Variants in TRHDE observed in about 807,000 individuals in gnomAD.
TRHDE encodes the protein thyrotropin releasing hormone degrading enzyme.
TRHDE carries 72 observed loss-of-function variants against 125.7 expected under a neutral mutation model. The ratio of observed to expected loss-of-function variants is 0.57; its 90% CI spans 0.47 to 0.70. The LOEUF is 0.70. Among genes scored for constraint, TRHDE ranks in the 30% least tolerant of loss-of-function variants. TRHDE has a pLI of 0.00. For missense variants in TRHDE, 1,110 were observed against 1,327.1 expected, an observed-to-expected ratio of 0.84 and a Z score of 2.54; for synonymous variants, 509 against 509.1, an observed-to-expected ratio of 1.00 and a Z score of 0.00.
intron 3 of TRHDE, among the ~76,000 whole-genome samples, chr12:72,423,229 C>T (rs1874033641): frequency 1.3e-5 from 2 of 152,140 alleles, no homozygotes. Flanking sequence ...CATTTAATAA[C>T]TAGGCTAAGC....
intron 15 of TRHDE, among the ~76,000 whole-genome samples, chr12:72,637,841 T>C (rs1873835674): frequency 6.6e-6 from 1 of 151,320 alleles, no homozygotes; most frequent in Admixed American, 6.6e-5. Context: ...TCCTGAGTTC[T>C]AGTTTGATTG....
chr12:72,154,149 A>G (rs891150534), intron 2 of TRHDE, among the ~76,000 whole-genome samples: 2 of 149,426 alleles, frequency 1.3e-5, no homozygotes, highest in African/African-American at 5.0e-5. Flanking sequence ...ACCATTATGT[A>G]ATGGCCTTCT....
chr12:72,128,312 A>C (rs1229308061), intron 2 of TRHDE, among the ~76,000 whole-genome samples: 1 of 152,190 alleles, frequency 6.6e-6, no homozygotes, highest in East Asian at 1.9e-4. Context: ...CAGATTTGCC[A>C]ACTGATTTGT....
rs1158574787 is a variant in TRHDE at position 72,560,621 on chromosome 12, A to T, written c.1789-1544A>T. Reference sequence around the variant, plus strand: ...AGACTAGCTCGAGCCCAGGAGCTCAAGGCCAGCATGGGCCACATAATGGAA... The same window carrying T: ...AGACTAGCTCGAGCCCAGGAGCTCATGGCCAGCATGGGCCACATAATGGAA... On this transcript the variant is annotated intron_variant, in intron 7 of 18. Coordinates refer to ENST00000261180, the MANE Select transcript of TRHDE (RefSeq NM_013381.3). The T allele has an allele frequency of 5.9e-5, 9 of 152,308 alleles. No homozygotes were observed. In the East Asian group the frequency reaches 1.7e-3, roughly 29 times the overall value. The allele number at this position is 152,308 out of a possible 1,614,324, so 9.4% of individuals were successfully genotyped here. A position where few individuals can be genotyped will look rare whatever the true frequency, so the allele number is the denominator to read the frequency against.
At chr12:72,643,136 G>A (rs1224524883) in intron 15 of TRHDE, among the ~76,000 whole-genome samples, 1 of 152,062 alleles carries the variant, frequency 6.6e-6, no homozygotes, top group African/African-American at 2.4e-5. Context: ...AAAACATGAG[G>A]AGTTGATGGG....
At chr12:72,350,038 T>C (rs1870510019) in intron 2 of TRHDE, among the ~76,000 whole-genome samples, 1 of 152,016 alleles carries the variant, frequency 6.6e-6, no homozygotes, top group South Asian at 2.1e-4. Context: ...TGTGCCATTT[T>C]CCATATTCCA....
intron 2 of TRHDE, among the ~76,000 whole-genome samples, chr12:72,369,714 A>T (rs1324849238): frequency 4.6e-5 from 7 of 152,048 alleles, no homozygotes; most frequent in African/African-American, 1.7e-4. Context: ...CCTGCATACC[A>T]TTTCCTAGTG....
At chr12:72,605,906 T>C (rs1872419547) in intron 12 of TRHDE, among the ~76,000 whole-genome samples, 1 of 130,502 alleles carries the variant, frequency 7.7e-6, no homozygotes, top group South Asian at 2.2e-4. Context: ...TTTATTATTG[T>C]TACTAAATGA....
At chr12:72,583,888 T>C (rs1203072969) in intron 12 of TRHDE, among the ~76,000 whole-genome samples, 1 of 151,698 alleles carries the variant, frequency 6.6e-6, no homozygotes, top group South Asian at 2.1e-4. Flanking sequence ...TCCTGAGGCA[T>C]TAAGGGCAGG....
chr12:72,641,713 C>A (rs536089740), intron 15 of TRHDE, among the ~76,000 whole-genome samples: 2 of 152,270 alleles, frequency 1.3e-5, no homozygotes, highest in South Asian at 4.1e-4. Context: ...ACATTCACAG[C>A]AAAATCTTTG....
rs1220966539 is a variant in TRHDE, at chr12:72,638,018, GT to G, written c.2676-14303del. 5.3e-5 allele frequency among the ~76,000 whole-genome samples: 8 copies of G among 151,272 alleles called. No individual in the cohort carries two copies. The East Asian group carries it at 7.8e-4, about 15-fold the overall frequency. ...GGAGAGTTCTGTAGATGTCTATTAG[GT>G]CCGCTTGGTGCAGAGCTGAGTTCAA... On this transcript the variant is annotated intron_variant, in intron 15 of 18. Transcript: ENST00000261180.
In TRHDE at chr12:72,461,513, A is replaced by G. The variant is rs546829707; in HGVS notation, c.1316-8245A>G. On this transcript the variant is annotated intron_variant, in intron 3 of 18. Transcript: ENST00000261180. ...TGTAGTTTATATTTTTACTAGCCCC[A>G]TATATTAATCTTCAGAGCAAGATGT... 3.9e-4 allele frequency among the ~76,000 whole-genome samples: 59 copies of G among 152,204 alleles called. 1 individual carries two copies. The East Asian group carries it at 0.011, about 28-fold the overall frequency.
intron 2 of TRHDE, among the ~76,000 whole-genome samples, chr12:72,352,863 A>G (rs1372744320): frequency 6.6e-6 from 1 of 151,606 alleles, no homozygotes; most frequent in Non-Finnish European, 1.5e-5. Flanking sequence ...TGGGCAGCCT[A>G]TTTTAAAGAT....
intron 2 of TRHDE, among the ~76,000 whole-genome samples, chr12:72,292,625 T>C (rs1377885650): frequency 2.0e-5 from 3 of 152,192 alleles, no homozygotes; most frequent in Non-Finnish European, 2.9e-5. Context: ...AAAGGTCCCC[T>C]TTCCTTCAGC....
intron 3 of TRHDE, among the ~76,000 whole-genome samples, chr12:72,418,341 AT>A (rs1565733916): frequency 6.6e-6 from 1 of 152,038 alleles, no homozygotes; most frequent in South Asian, 2.1e-4. Context: ...TAAAATGCCA[AT>A]TTTTTTAAGA....
rs189975647 is a variant in TRHDE at position 72,182,648 on chromosome 12, C to G, written n.279+76896C>G. Among the ~76,000 whole-genome samples the G allele has an allele frequency of 2.6e-5, 4 of 152,242 alleles. No individual in the cohort carries two copies. The East Asian group carries it at 7.7e-4, about 29-fold the overall frequency. Reference sequence around the variant, plus strand: ...CATTCTGTACAGCGATCATACCACCCTGGTGGAGAAAGAATACCCAAGGTG... The same window carrying G: ...CATTCTGTACAGCGATCATACCACCGTGGTGGAGAAAGAATACCCAAGGTG... On this transcript the variant is annotated intron_variant and non_coding_transcript_variant, in intron 2 of 4. Coordinates refer to the TRHDE transcript ENST00000548156.
At chr12:72,140,740 G>T (rs1327892776) in intron 2 of TRHDE, among the ~76,000 whole-genome samples, 1 of 152,152 alleles carries the variant, frequency 6.6e-6, no homozygotes, top group Non-Finnish European at 1.5e-5. Flanking sequence ...ACTTAGTCTG[G>T]GAGTTCTCTG....
intron 3 of TRHDE, among the ~76,000 whole-genome samples, chr12:72,421,965 C>T (rs554527380): frequency 3.5e-4 from 54 of 152,150 alleles, no homozygotes; most frequent in African/African-American, 1.3e-3. Context: ...GGTCCAGAGA[C>T]AATGGATATA....
intron 2 of TRHDE, among the ~76,000 whole-genome samples, chr12:72,293,378 A>C (rs1880163024): frequency 6.6e-6 from 1 of 152,124 alleles, no homozygotes; most frequent in Admixed American, 6.5e-5. Context: ...AAAAAGAGAA[A>C]TGTATTAGAA....
Sources: allele counts gnomAD v4.1 joint callset (sites outside exome capture counted in the v4.1 genomes callset), GRCh38; gene constraint gnomAD v4.1.1; transcripts MANE v1.5; gene names NCBI Gene and HGNC (gene_info 2026-07-23, HGNC 2026-07-21).